SPTA1: variants seen among roughly 807,000 people sequenced by gnomAD.
The protein encoded by SPTA1 is spectrin alpha, erythrocytic 1, also known as spectrin alpha chain, erythrocytic 1.
A neutral mutation model predicts 324.7 loss-of-function variants in SPTA1; 177 were observed. The ratio of observed to expected loss-of-function variants is 0.55; its 90% CI spans 0.48 to 0.62. SPTA1 has a LOEUF of 0.62. Ranked by LOEUF, SPTA1 falls within the 20% of genes least tolerant of loss-of-function variation. The pLI is 0.00. For synonymous variants in SPTA1, 1,195 were observed against 1,041.3 expected, an observed-to-expected ratio of 1.15 and a Z score of -2.84; for missense variants, 3,162 against 2,883.6, an observed-to-expected ratio of 1.10 and a Z score of -2.21.
chr1:158,615,244 G>C lies in SPTA1; in HGVS notation c.6760C>G (p.His2254Asp). 1 of 1,613,620 alleles carries C rather than the reference G, an allele frequency of 6.2e-7. No homozygotes were observed. The highest frequency in any genetic ancestry group is 8.5e-7 in the Non-Finnish European group (1 of 1,180,002). The change falls in exon 48 of 52, where the codon CAC (histidine) becomes GAC (aspartate). Residue 2254 changes from histidine (H) to aspartate (D), a missense_variant. By Grantham distance (81) the His-to-Asp change is moderately conservative. Transcript: ENST00000643759. ...QLYQLGLRMQ[H>D]NLEQQIQAKD... The stretch of plus-strand genomic sequence containing the variant: ...GCCTGGATCTGTTGCTCCAGGTTGT[G>C]TTGCATCCGCAACCCAAGCTGGTAG...
chr1:158,619,060 G>T, intron 45 of SPTA1, 162 bp downstream of exon 45: 1 of 736,094 alleles, frequency 1.4e-6, no homozygotes. Flanking sequence ...AATTGATTCA[G>T]AAAACAGTCA....
chr1:158,647,515 C>A lies in SPTA1; in HGVS notation c.3896+24G>T, dbSNP rs527811263. The A allele has an allele frequency of 2.0e-5, 32 of 1,612,180 alleles. No homozygotes were observed. In the South Asian group the frequency reaches 3.2e-4, roughly 16 times the overall value. The stretch of plus-strand genomic sequence containing the variant: ...AGACAGTCTACTTAGAGGCCAGACA[C>A]GGAAGTTACCCACCCCACTCTACCT... On this transcript the variant is annotated intron_variant, in intron 27 of 51. Transcript: ENST00000643759.
chr1:158,678,367 A>C (rs1294009602), intron 6 of SPTA1, 34 bp downstream of exon 6: 2 of 1,613,130 alleles, frequency 1.2e-6, no homozygotes, highest in Admixed American at 1.7e-5. Context: ...AAAGCACTTC[A>C]AAGTTTTCTA....
rs1331783287 is a variant in SPTA1, at chr1:158,644,257, G to T, written c.4334C>A (p.Ala1445Asp). 1.9e-6 allele frequency: 3 copies of T among 1,613,698 alleles called. No individual in the cohort carries two copies. Among genetic ancestry groups the T allele is most frequent in the Non-Finnish European group, 2.5e-6 (3 of 1,179,818 alleles). The change falls in exon 30 of 52, where the codon GCC (alanine) becomes GAC (aspartate). Residue 1445 changes from alanine (A) to aspartate (D), a missense_variant. Coordinates refer to ENST00000643759, the MANE Select transcript of SPTA1 (RefSeq NM_003126.4). ...TCCTTTACTAGTCATTATTACCTGGGCAGTGATTGCTTTGTCCAAATCGTC... is the reference window on the plus strand; with the variant it reads ...TCCTTTACTAGTCATTATTACCTGGTCAGTGATTGCTTTGTCCAAATCGTC... ...KRDDLDKAIT[A>D]QEGKITDLEH...
At chr1:158,614,407 G>T in intron 48 of SPTA1, 101 bp from the exon 49 acceptor site, 1 of 858,990 alleles carries the variant, frequency 1.2e-6, no homozygotes, top group Non-Finnish European at 1.9e-6. Context: ...TGGACAATTT[G>T]CTATTTGAGT....
intron 20 of SPTA1, 99 bp from the exon 21 acceptor site, chr1:158,654,847 A>G: frequency 1.9e-6 from 3 of 1,552,094 alleles, no homozygotes; most frequent in African/African-American, 1.4e-5. Context: ...CCAGGAGAAA[A>G]GAGCCTCTGG....
Position 158,647,705 on chromosome 1 carries a change from C to T in SPTA1, c.3730G>A (p.Glu1244Lys), listed in dbSNP as rs761603735. 4.3e-6 allele frequency: 7 copies of T among 1,613,854 alleles called. No homozygotes were observed. In the South Asian group the frequency reaches 5.5e-5, roughly 13 times the overall value. The change falls in exon 27 of 52, where the codon GAG becomes AAG. Residue 1244 changes from glutamate (E) to lysine (K), a missense_variant. Transcript: ENST00000643759. The part of the protein sequence containing the change: ...PLGDKVTILG[E>K]TAERLSESHP... ...GACTCACTGAGCCGCTCTGCTGTCTCCCCCAGTATGGTCACCTGGGGAGGT... is the reference window on the plus strand; with the variant it reads ...GACTCACTGAGCCGCTCTGCTGTCTTCCCCAGTATGGTCACCTGGGGAGGT...
chr1:158,641,333 T>C (rs1651554462), intron 33 of SPTA1, among the ~76,000 whole-genome samples: 1 of 152,094 alleles, frequency 6.6e-6, no homozygotes, highest in South Asian at 2.1e-4. Context: ...CTAAAGAGCT[T>C]CTGCACAGCA....
At chr1:158,612,346 AGAGAG>A (rs1421268385) in intron 51 of SPTA1, 1 of 202,936 alleles carries the variant, frequency 4.9e-6, no homozygotes, top group Non-Finnish European at 1.0e-5. Context: ...TCTTGGAATC[AGAGAG>A]AAGAGAGATT....
In SPTA1 at chr1:158,654,888, A is replaced by C. The variant is rs1177420010; in HGVS notation, c.2899-140T>G. 6 of 1,145,988 alleles carry C rather than the reference A, an allele frequency of 5.2e-6. No homozygotes were observed. The Admixed American group carries it at 1.3e-4, about 25-fold the overall frequency. 71.0% of individuals were successfully genotyped at this position (1,145,988 alleles called of 1,614,324 possible). On this transcript the variant is annotated intron_variant, in intron 20 of 51. Transcript: ENST00000643759. Reference sequence around the variant, plus strand: ...ACCTCTTACGTGGCTGCAGAGATTAAAGTATGTGGTCTTCAGAGAGACTGC... The same window carrying C: ...ACCTCTTACGTGGCTGCAGAGATTACAGTATGTGGTCTTCAGAGAGACTGC...
chr1:158,681,620 C>G lies in SPTA1; in HGVS notation c.438G>C (p.Leu146=), dbSNP rs1280197961. The change falls in exon 4 of 52, where the codon CTG becomes CTC. Residue 146 remains leucine (L), a synonymous_variant. Coordinates refer to ENST00000643759, the MANE Select transcript of SPTA1 (RefSeq NM_003126.4). ...LRHLWDLLLE[L]TLEKGDQLLR... is the part of the protein sequence containing the mutation. ...GCAACTGGTCACCCTTCTCCAGGGTCAGCTCTAACAGCAGGTCCCACAGGT... is the reference window on the plus strand; with the variant it reads ...GCAACTGGTCACCCTTCTCCAGGGTGAGCTCTAACAGCAGGTCCCACAGGT... 6 of 1,613,790 alleles carry G rather than the reference C, an allele frequency of 3.7e-6. No homozygotes were observed. The South Asian group carries it at 6.6e-5, about 18-fold the overall frequency.
At chr1:158,664,830 A>G (rs1279327937) in intron 16 of SPTA1, among the ~76,000 whole-genome samples, 3 of 152,212 alleles carry the variant, frequency 2.0e-5, no homozygotes, top group African/African-American at 7.2e-5. Flanking sequence ...GTACTCTTTG[A>G]AAACCTCTAA....
At chr1:158,657,432 T>G (rs769803828) in intron 19 of SPTA1, 45 bp downstream of exon 19, 14 of 1,554,638 alleles carry the variant, frequency 9.0e-6, no homozygotes, top group Non-Finnish European at 1.2e-5. Flanking sequence ...ATAATTTGGT[T>G]GCGTTTGTTG....
intron 25 of SPTA1, 39 bp from the exon 26 acceptor site, chr1:158,648,692 A>G: frequency 1.2e-6 from 2 of 1,610,232 alleles, no homozygotes; most frequent in East Asian, 2.2e-5. Context: ...AAGTAAGGAT[A>G]TGTACCAGAG....
At chr1:158,618,478 C>T (rs1571376222) in intron 45 of SPTA1, among the ~76,000 whole-genome samples, 1 of 152,302 alleles carries the variant, frequency 6.6e-6, no homozygotes, top group South Asian at 2.1e-4. Context: ...GTCTAAACCA[C>T]CACATTAACC....
intron 39 of SPTA1, among the ~76,000 whole-genome samples, chr1:158,633,146 A>G (rs1650802510): frequency 6.6e-6 from 1 of 152,222 alleles, no homozygotes; most frequent in Non-Finnish European, 1.5e-5. Context: ...AGAACAGATT[A>G]GTGGTTGCCA....
rs574326465 is a variant in SPTA1 at position 158,681,663 on chromosome 1, T to C, written c.395A>G (p.His132Arg). Residue 132 changes from histidine (H) to arginine (R), a missense_variant, in exon 4 of 52, where the codon CAT becomes CGT. Physicochemically the swap from His to Arg is conservative, Grantham distance 29. Coordinates refer to ENST00000643759, the MANE Select transcript of SPTA1 (RefSeq NM_003126.4). ...CCACAGGTGGCGTAGCTCCTCTATA[T>C]GGGCCTTTAGGAAAGAGGGGCAAAA... ...GHSAHEETKA[H>R]IEELRHLWDL... 1.9e-6 allele frequency: 3 copies of C among 1,613,558 alleles called. No homozygotes were observed. Among genetic ancestry groups the C allele is most frequent in the East Asian group, 2.2e-5 (1 of 44,836 alleles).
chr1:158,612,592 C>A, intron 51 of SPTA1: 3 of 547,024 alleles, frequency 5.5e-6, no homozygotes, highest in Non-Finnish European at 6.6e-6. Flanking sequence ...AACTGAGTTG[C>A]AGATTTTGAA....
intron 4 of SPTA1, 79 bp from the exon 5 acceptor site, chr1:158,680,808 G>T (rs1162431907): frequency 4.4e-6 from 7 of 1,573,636 alleles, no homozygotes; most frequent in Non-Finnish European, 6.1e-6. Context: ...ACTCCTGCTT[G>T]CATTCCCAGG....
Sources: allele counts gnomAD v4.1 joint callset (sites outside exome capture counted in the v4.1 genomes callset), GRCh38; gene constraint gnomAD v4.1.1; transcripts MANE v1.5; gene names NCBI Gene and HGNC (gene_info 2026-07-23, HGNC 2026-07-21).